SRD5A2: variants seen among roughly 807,000 people sequenced by gnomAD.
SRD5A2 encodes the protein 3-oxo-5-alpha-steroid 4-dehydrogenase 2.
SRD5A2 carries 30 observed loss-of-function variants against 27.4 expected under a neutral mutation model. The observed-to-expected ratio is 1.10, with a 90% CI of 0.82 to 1.49. The LOEUF (loss-of-function observed/expected upper bound fraction) is 1.49. Among genes scored for constraint, SRD5A2 ranks in the 40% most tolerant of loss-of-function variants. SRD5A2 has a pLI of 0.00. For synonymous variants in SRD5A2, 141 were observed against 133.6 expected, an observed-to-expected ratio of 1.06 and a Z score of -0.38; for missense variants, 348 against 323.4, an observed-to-expected ratio of 1.08 and a Z score of -0.58.
chr2:31,554,462 A>C (rs1261726400), intron 1 of SRD5A2, among the ~76,000 whole-genome samples: 1 of 152,200 alleles, frequency 6.6e-6, no homozygotes, highest in Non-Finnish European at 1.5e-5. Context: ...CTCTAGGTAT[A>C]GTTTTTCAAT....
chr2:31,575,959 C>A (rs1490303134), intron 1 of SRD5A2, among the ~76,000 whole-genome samples: 4 of 152,148 alleles, frequency 2.6e-5, no homozygotes, highest in African/African-American at 9.7e-5. Flanking sequence ...GACAAGGGGT[C>A]ATTCCACAGC....
chr2:31,580,473 G>A, intron 1 of SRD5A2, 147 bp downstream of exon 1: 1 of 1,046,428 alleles, frequency 9.6e-7, no homozygotes, highest in Non-Finnish European at 1.3e-6. Flanking sequence ...CCCCCGCCAG[G>A]TGCGCCAGGC....
chr2:31,659,015 G>A, the SRD5A2 span, among the ~76,000 whole-genome samples: 4 of 152,104 alleles, frequency 2.6e-5, no homozygotes, highest in African/African-American at 4.8e-5. Flanking sequence ...AATCCACCAC[G>A]ATCAAGTAGG....
chr2:31,613,223 G>C, the SRD5A2 span, among the ~76,000 whole-genome samples: 1 of 151,952 alleles, frequency 6.6e-6, no homozygotes, highest in South Asian at 2.1e-4. Flanking sequence ...AGAATAAAGA[G>C]ACAACCCACA....
chr2:31,589,830 C>G, the SRD5A2 span, among the ~76,000 whole-genome samples: 1 of 152,032 alleles, frequency 6.6e-6, no homozygotes, highest in African/African-American at 2.4e-5. Context: ...GGCCTGAGAG[C>G]CCTGCTTGCT....
chr2:31,649,373 C>A, the SRD5A2 span, among the ~76,000 whole-genome samples: 1 of 152,138 alleles, frequency 6.6e-6, no homozygotes, highest in Non-Finnish European at 1.5e-5. Flanking sequence ...GACTTGCAAG[C>A]AATTGACACC....
At chr2:31,636,314 ATTCT>A in the SRD5A2 span, among the ~76,000 whole-genome samples, 1 of 151,946 alleles carries the variant, frequency 6.6e-6, no homozygotes. Context: ...ATGAGGTTGC[ATTCT>A]TTATGTTTTT....
chr2:31,569,996 G>C (rs1412673351), intron 1 of SRD5A2, among the ~76,000 whole-genome samples: 1 of 152,128 alleles, frequency 6.6e-6, no homozygotes, highest in Non-Finnish European at 1.5e-5. Context: ...CCAAAAAATT[G>C]AGGAAGAGGG....
intron 1 of SRD5A2, among the ~76,000 whole-genome samples, chr2:31,574,803 C>T (rs1666923021): frequency 6.6e-6 from 1 of 152,226 alleles, no homozygotes; most frequent in African/African-American, 2.4e-5. Context: ...CCACGCCATT[C>T]ATAGTTTTCT....
At chr2:31,532,282 G>C (rs578168144) in intron 2 of SRD5A2, among the ~76,000 whole-genome samples, 1 of 151,950 alleles carries the variant, frequency 6.6e-6, no homozygotes, top group South Asian at 2.1e-4. Flanking sequence ...ATTCCTGACT[G>C]AAACACCCAC....
At chr2:31,553,635 A>T (rs1666426611) in intron 1 of SRD5A2, among the ~76,000 whole-genome samples, 1 of 152,216 alleles carries the variant, frequency 6.6e-6, no homozygotes, top group Admixed American at 6.5e-5. Context: ...CAAACAGCTG[A>T]AGAAAAATAA....
chr2:31,608,648 T>C, the SRD5A2 span, among the ~76,000 whole-genome samples: 1 of 151,926 alleles, frequency 6.6e-6, no homozygotes, highest in Admixed American at 6.6e-5. Flanking sequence ...GAAATGAAAT[T>C]ACAAAAACAA....
chr2:31,575,564 T>C (rs1281455276), intron 1 of SRD5A2, among the ~76,000 whole-genome samples: 1 of 152,178 alleles, frequency 6.6e-6, no homozygotes, highest in Admixed American at 6.5e-5. Flanking sequence ...TCTTGAAGGA[T>C]GAGGAGAAAT....
At chr2:31,645,589 AG>A in the SRD5A2 span, among the ~76,000 whole-genome samples, 10 of 152,352 alleles carry the variant, frequency 6.6e-5, 2 homozygotes, top group South Asian at 2.1e-3. Flanking sequence ...GAAAAATAAA[AG>A]TTTATATTCA....
the SRD5A2 span, among the ~76,000 whole-genome samples, chr2:31,650,915 A>C: frequency 1.3e-5 from 2 of 152,168 alleles, no homozygotes; most frequent in South Asian, 4.1e-4. Context: ...AGGTGGCAGA[A>C]GCTGGGATCA....
At chr2:31,624,581 C>T in the SRD5A2 span, among the ~76,000 whole-genome samples, 70 of 152,028 alleles carry the variant, frequency 4.6e-4, no homozygotes, top group African/African-American at 1.5e-3. Flanking sequence ...TTGTTCAATT[C>T]CCACCTATGA....
intron 1 of SRD5A2, among the ~76,000 whole-genome samples, chr2:31,564,947 C>T (rs1287483570): frequency 6.6e-6 from 1 of 151,736 alleles, no homozygotes; most frequent in East Asian, 1.9e-4. Flanking sequence ...AAATATATAA[C>T]TTTTTTATTA....
Position 31,547,696 on chromosome 2 carries a change from T to C in SRD5A2, c.282-13930A>G, listed in dbSNP as rs79577788. Among the ~76,000 whole-genome samples, 37 of 152,310 alleles carry C rather than the reference T, an allele frequency of 2.4e-4. No homozygotes were observed. In the East Asian group the frequency reaches 7.1e-3, roughly 29 times the overall value. On this transcript the variant is annotated intron_variant, in intron 1 of 4. Transcript: ENST00000622030. ...CAGTCCTGGACTGAGAATTGCAACA[T>C]TGGCTTCCATGGTTCTAAGGCCATC...
chr2:31,661,100 C>T, the SRD5A2 span, among the ~76,000 whole-genome samples: 1 of 152,070 alleles, frequency 6.6e-6, no homozygotes, highest in Non-Finnish European at 1.5e-5. Flanking sequence ...GCCCACTGAG[C>T]AATAGTTTTG....
Sources: gnomAD v4.1 joint callset for allele counts (sites outside exome capture counted in the v4.1 genomes callset) on GRCh38, gnomAD v4.1.1 for gene constraint, MANE v1.5 for transcripts, NCBI Gene and HGNC (gene_info 2026-07-23, HGNC 2026-07-21) for gene names.